The following PXMP2 variants were observed in gnomAD, a reference collection of about 807,000 sequenced individuals.
PXMP2 encodes peroxisomal membrane protein 2.
In PXMP2, 13 loss-of-function variants were observed where a neutral mutation model predicts 20.2. That is an observed-to-expected ratio of 0.64 (90% CI 0.42 to 1.02). PXMP2 has a LOEUF of 1.02. PXMP2 is among the 50% of genes least tolerant of loss of function. The pLI, the probability that PXMP2 is intolerant of heterozygous loss-of-function variation, is 0.00. For synonymous variants in PXMP2, 113 were observed against 111.2 expected (o/e 1.02, Z -0.10); for missense variants, 284 against 251.8 (o/e 1.13, Z -0.87).
chr12:132,691,290 C>T (rs567685493), intron 2 of PXMP2, among the ~76,000 whole-genome samples: 4 of 152,120 alleles, frequency 2.6e-5, no homozygotes, highest in African/African-American at 9.6e-5. Flanking sequence ...CCTCGTGATC[C>T]GCCCACCTTG....
At chr12:132,697,104 A>G (rs1593107594) in intron 3 of PXMP2, among the ~76,000 whole-genome samples, 1 of 152,136 alleles carries the variant, frequency 6.6e-6, no homozygotes, top group Non-Finnish European at 1.5e-5. Flanking sequence ...CCTGGGCAAC[A>G]TGGCGAATAC....
intron 2 of PXMP2, among the ~76,000 whole-genome samples, chr12:132,694,897 CAGTT>C (rs1271192340): frequency 6.0e-4 from 58 of 96,190 alleles, no homozygotes; most frequent in African/African-American, 1.1e-3. Context: ...CCTTGCCAGT[CAGTT>C]AGTGAGCGCC....
chr12:132,695,777 G>A (rs2043406445), intron 2 of PXMP2, 107 bp from the exon 3 acceptor site: 3 of 1,209,912 alleles, frequency 2.5e-6, no homozygotes, highest in African/African-American at 1.5e-5. Context: ...AATACTGAGG[G>A]ACATCAGGAA....
Position 132,693,613 on chromosome 12 carries a change from G to A in PXMP2, c.237-2271G>A, listed in dbSNP as rs1260845341. Among the ~76,000 whole-genome samples the A allele has an allele frequency of 1.2e-4, 7 of 57,650 alleles. 1 individual carries two copies. The highest frequency in any genetic ancestry group is 1.8e-4 in the Non-Finnish European group (5 of 27,342). The allele number at this position is 57,650 out of a possible 152,430, so 37.8% of individuals were successfully genotyped here. On this transcript the variant is annotated intron_variant, in intron 2 of 4. Transcript: ENST00000317479. The stretch of plus-strand genomic sequence containing the variant: ...CGCCCTTGCCAGTTAGTTAGTGAGC[G>A]CCCTTGCCAGTCAGTGAGCGCCCTT...
At chr12:132,702,351 T>C in intron 4 of PXMP2, 1 of 208,528 alleles carries the variant, frequency 4.8e-6, no homozygotes, top group Non-Finnish European at 1.0e-5. Context: ...GTCAAAGGTG[T>C]CAGATTGGGG....
chr12:132,691,076 G>T (rs1474098232), intron 2 of PXMP2, among the ~76,000 whole-genome samples: 2 of 146,766 alleles, frequency 1.4e-5, no homozygotes, highest in Non-Finnish European at 3.0e-5. Flanking sequence ...TTTTGAGACG[G>T]AATCTCACTC....
At chr12:132,700,457 TC>T (rs2043433008) in intron 3 of PXMP2, among the ~76,000 whole-genome samples, 1 of 152,216 alleles carries the variant, frequency 6.6e-6, no homozygotes, top group Admixed American at 6.5e-5. Flanking sequence ...TTCATATGTT[TC>T]TTGGCCACTT....
At position 132,701,281 on chromosome 12, in the gene PXMP2, TGAG is replaced by T. The variant is rs2043439169; in HGVS notation, c.433_435del (p.Arg145del). 1 of 1,613,088 alleles carries T rather than the reference TGAG, an allele frequency of 6.2e-7. No homozygotes were observed. Among genetic ancestry groups the T allele is most frequent in the East Asian group, 2.2e-5 (1 of 44,762 alleles). ...GACGCCTCAGCCTTCGCCGCCAAGA[TGAG>T]GGGGGGCTTCTGGCCGGCGCTGAGG... is the stretch of plus-strand genomic sequence containing the variant. On this transcript the variant is annotated inframe_deletion, in exon 4 of 5. Coordinates refer to ENST00000317479, the MANE Select transcript of PXMP2 (RefSeq NM_018663.3).
intron 2 of PXMP2, 99 bp downstream of exon 2, chr12:132,690,475 T>C (rs2043359955): frequency 2.2e-6 from 2 of 900,554 alleles, no homozygotes; most frequent in Admixed American, 2.8e-5. Flanking sequence ...TTTGGAAATA[T>C]AATTTTTTAA....
chr12:132,700,349 T>C (rs1267388026), intron 3 of PXMP2, among the ~76,000 whole-genome samples: 1 of 152,142 alleles, frequency 6.6e-6, no homozygotes, highest in Non-Finnish European at 1.5e-5. Context: ...GCCTGGCCAC[T>C]TGACTTTTTA....
intron 2 of PXMP2, among the ~76,000 whole-genome samples, chr12:132,692,278 C>G (rs991939283): frequency 2.8e-5 from 4 of 143,116 alleles, no homozygotes; most frequent in African/African-American, 1.1e-4. Flanking sequence ...CTCCCTTAGC[C>G]AGTTAGTTAG....
chr12:132,702,725 G>T lies in PXMP2; in HGVS notation c.519+1356G>T, dbSNP rs566050444. Reference sequence around the variant, plus strand: ...CAGGTGGCCCTTCTGGGAAAGGTGGGTGCCGTCCCAGCCCAGGCTGCTGCT... The same window carrying T: ...CAGGTGGCCCTTCTGGGAAAGGTGGTTGCCGTCCCAGCCCAGGCTGCTGCT... On this transcript the variant is annotated intron_variant, in intron 4 of 4. Transcript: ENST00000317479. 3.3e-5 allele frequency among the ~76,000 whole-genome samples: 5 copies of T among 152,334 alleles called. No individual in the cohort carries two copies. The South Asian group carries it at 1.0e-3, about 32-fold the overall frequency.
chr12:132,704,072 G>A (rs907884965), intron 4 of PXMP2, among the ~76,000 whole-genome samples: 4 of 152,156 alleles, frequency 2.6e-5, no homozygotes, highest in East Asian at 1.9e-4. Context: ...TGCTAGACTC[G>A]GAGACGCGGC....
At position 132,701,260 on chromosome 12, in the gene PXMP2, C is replaced by G. The variant is rs984884395; in HGVS notation, c.410C>G (p.Ala137Gly). Reference protein sequence around the residue: ...LIMNFLEGKDASAFAAKMRGG... With the variant: ...LIMNFLEGKDGSAFAAKMRGG... ...TTCCCTCCTTTGCAGGGGAAAGACG[C>G]CTCAGCCTTCGCCGCCAAGATGAGG... The change falls in exon 4 of 5, where the codon GCC becomes GGC. Residue 137 changes from alanine to glycine, a missense_variant. Coordinates refer to ENST00000317479, the MANE Select transcript of PXMP2 (RefSeq NM_018663.3). 1.9e-6 allele frequency: 3 copies of G among 1,613,524 alleles called. No homozygotes were observed. The highest frequency in any genetic ancestry group is 2.5e-6 in the Non-Finnish European group (3 of 1,179,960).
At chr12:132,690,914 C>T (rs1252986722) in intron 2 of PXMP2, among the ~76,000 whole-genome samples, 6 of 152,038 alleles carry the variant, frequency 3.9e-5, no homozygotes, top group Non-Finnish European at 7.4e-5. Context: ...GGCTGAGAGG[C>T]AAACCTGAGG....
chr12:132,693,745 T>C (rs1298827284), intron 2 of PXMP2, among the ~76,000 whole-genome samples: 1 of 132,360 alleles, frequency 7.6e-6, no homozygotes, highest in African/African-American at 2.8e-5. Context: ...AGTTAGTTAG[T>C]GAGCTCCCTT....
rs936847288 is a variant in PXMP2 at position 132,696,749 on chromosome 12, G to A, written c.399+703G>A. ...CGGGAGGTGGAGCTTGCCGTGAGCC[G>A]AGATGTCGCCACTGCACTCTAGCCT... On this transcript the variant is annotated intron_variant, in intron 3 of 4. Transcript: ENST00000317479. This position sits in a 1 kb window ranked among gnomAD's most constrained non-coding sequence, Gnocchi z 4.4. Among the ~76,000 whole-genome samples, 3 of 152,252 alleles carry A rather than the reference G, an allele frequency of 2.0e-5. No individual in the cohort carries two copies. Among genetic ancestry groups the A allele is most frequent in the Admixed American group, 2.0e-4 (3 of 15,302 alleles).
chr12:132,701,841 T>A (rs1423345779), intron 4 of PXMP2, among the ~76,000 whole-genome samples: 7 of 152,100 alleles, frequency 4.6e-5, no homozygotes, highest in Admixed American at 6.6e-5. Flanking sequence ...TGTAATCCCA[T>A]CACTATGGAA....
chr12:132,695,231 TTAGTGAGTGCCCTTGCCAGTTAGCC>T (rs1405067283), intron 2 of PXMP2, among the ~76,000 whole-genome samples: 6 of 151,982 alleles, frequency 3.9e-5, no homozygotes, highest in South Asian at 2.1e-4. Context: ...CCCTTGCCAG[TTAGTGAGTGCCCTTGCCAGTTAGCC>T]TAGTGAGTGC....
Sources: gnomAD v4.1 joint callset for allele counts (sites outside exome capture counted in the v4.1 genomes callset) on GRCh38, gnomAD v4.1.1 for gene constraint, Gnocchi (gnomAD v3.1) non-coding constraint, MANE v1.5 for transcripts, NCBI Gene and HGNC (gene_info 2026-07-23, HGNC 2026-07-21) for gene names.